RFX3: variants seen among roughly 807,000 people sequenced by gnomAD.
The protein encoded by RFX3 is transcription factor RFX3.
Under a neutral mutation model 98.6 loss-of-function variants are expected in RFX3, and 14 were observed. That is an observed-to-expected ratio of 0.14 (90% CI 0.09 to 0.22). The LOEUF (loss-of-function observed/expected upper bound fraction) is 0.22. RFX3 is among the 10% of genes least tolerant of loss of function. RFX3 has a pLI of 1.00. For synonymous variants in RFX3, 383 were observed against 328.4 expected, an observed-to-expected ratio of 1.17 and a Z score of -1.80; for missense variants, 639 against 926.9, an observed-to-expected ratio of 0.69 and a Z score of 4.03.
intron 4 of RFX3, among the ~76,000 whole-genome samples, chr9:3,307,050 C>T (rs370958618): frequency 2.0e-4 from 31 of 152,116 alleles, no homozygotes; most frequent in African/African-American, 6.5e-4. Context: ...GTTTTAAAAA[C>T]GGGAGTTTCT....
At chr9:3,406,208 C>T (rs1033148900) in intron 1 of RFX3, among the ~76,000 whole-genome samples, 3 of 152,020 alleles carry the variant, frequency 2.0e-5, no homozygotes, top group African/African-American at 4.8e-5. Context: ...AGTGATCCAC[C>T]TGCCTCAGCC....
chr9:3,238,745 G>C (rs899824334), intron 15 of RFX3, among the ~76,000 whole-genome samples: 2 of 152,124 alleles, frequency 1.3e-5, no homozygotes, highest in African/African-American at 4.8e-5. Flanking sequence ...TAATAAAAGT[G>C]ATCAGTCCGA....
intron 4 of RFX3, among the ~76,000 whole-genome samples, chr9:3,325,613 A>G (rs1167377394): frequency 6.6e-6 from 1 of 152,084 alleles, no homozygotes; most frequent in African/African-American, 2.4e-5. Context: ...AAACTCATAC[A>G]TAACCATCTA....
intron 2 of RFX3, among the ~76,000 whole-genome samples, chr9:3,376,176 T>G (rs764338264): frequency 1.3e-5 from 2 of 152,148 alleles, no homozygotes; most frequent in Non-Finnish European, 2.9e-5. Context: ...ATTAAAAATA[T>G]TGGCAATACC....
chr9:3,340,078 G>C (rs981755945), intron 3 of RFX3, among the ~76,000 whole-genome samples: 5 of 152,108 alleles, frequency 3.3e-5, no homozygotes, highest in Non-Finnish European at 5.9e-5. Flanking sequence ...GAACAGAACA[G>C]AGCCCTCAGA....
chr9:3,442,114 C>T (rs10972061), intron 1 of RFX3, among the ~76,000 whole-genome samples: 20,348 of 151,960 alleles, frequency 0.13, 1,866 homozygotes, highest in African/African-American at 0.26. Flanking sequence ...GCAGGAGAAA[C>T]GCTTGAACCC....
chr9:3,426,067 T>C (rs1187625872), intron 1 of RFX3, among the ~76,000 whole-genome samples: 1 of 152,194 alleles, frequency 6.6e-6, no homozygotes, highest in Non-Finnish European at 1.5e-5. Context: ...AAATATACTA[T>C]ACGATTGGAT....
chr9:3,381,881 A>C (rs1309697382), intron 2 of RFX3, among the ~76,000 whole-genome samples: 2 of 152,180 alleles, frequency 1.3e-5, no homozygotes, highest in Admixed American at 1.3e-4. Context: ...AACCAGAAAT[A>C]AAAAGTTATA....
chr9:3,327,777 A>C (rs1832092696), intron 4 of RFX3, among the ~76,000 whole-genome samples: 1 of 152,134 alleles, frequency 6.6e-6, no homozygotes, highest in Non-Finnish European at 1.5e-5. Context: ...TTATCTGTTT[A>C]ATTTACCAGT....
chr9:3,294,355 A>C, intron 5 of RFX3, among the ~76,000 whole-genome samples: 1 of 152,132 alleles, frequency 6.6e-6, no homozygotes, highest in Admixed American at 6.6e-5. Flanking sequence ...AAGAGCTGAC[A>C]TTTAACTTGC....
At chr9:3,412,436 T>C (rs183957879) in intron 1 of RFX3, among the ~76,000 whole-genome samples, 160 of 152,318 alleles carry the variant, frequency 1.1e-3, no homozygotes, top group African/African-American at 2.6e-3. Context: ...AGTAAATAAA[T>C]AGTAATTATC....
rs1389305987 is a variant in RFX3, at chr9:3,493,699, AAATATAT to A, written c.-9+32041_-9+32047del. Among the ~76,000 whole-genome samples, 923 of 101,840 alleles carry A rather than the reference AAATATAT, an allele frequency of 9.1e-3. 12 individuals are homozygous for A. The highest frequency in any genetic ancestry group is 0.047 in the African/African-American group (847 of 17,936). 66.8% of individuals were successfully genotyped at this position (101,840 alleles called of 152,430 possible). On this transcript the variant is annotated intron_variant, in intron 1 of 16. Transcript: ENST00000617270. ...ACTCATCTCAAAAAAAAAAAAAAAAAAATATATATATATATATATATATATATACATA... is the reference window on the plus strand; with the variant it reads ...ACTCATCTCAAAAAAAAAAAAAAAAAATATATATATATATATATATACATA...
chr9:3,431,583 A>G (rs1844660419), intron 1 of RFX3, among the ~76,000 whole-genome samples: 1 of 152,210 alleles, frequency 6.6e-6, no homozygotes, highest in Non-Finnish European at 1.5e-5. Flanking sequence ...ATATGGGTGC[A>G]GGATTGCTAT....
At chr9:3,429,312 G>A (rs1175715704) in intron 1 of RFX3, among the ~76,000 whole-genome samples, 1 of 150,832 alleles carries the variant, frequency 6.6e-6, no homozygotes, top group Non-Finnish European at 1.5e-5. Context: ...GTGAGCCACC[G>A]CGCCCGGCCA....
At chr9:3,451,527 G>C (rs969575156) in intron 1 of RFX3, among the ~76,000 whole-genome samples, 1 of 152,082 alleles carries the variant, frequency 6.6e-6, no homozygotes, top group African/African-American at 2.4e-5. Flanking sequence ...CTGGGCAACA[G>C]AGAGAGTCTC....
chr9:3,342,618 G>A (rs1464596464), intron 3 of RFX3, among the ~76,000 whole-genome samples: 1 of 151,908 alleles, frequency 6.6e-6, no homozygotes, highest in East Asian at 1.9e-4. Flanking sequence ...AGGAGCGAGT[G>A]GGGGAAGTAT....
intron 11 of RFX3, among the ~76,000 whole-genome samples, chr9:3,269,799 A>G (rs1824135247): frequency 6.6e-6 from 1 of 152,200 alleles, no homozygotes; most frequent in African/African-American, 2.4e-5. Context: ...AGTTCCTAAC[A>G]TGATGTAGGT....
At chr9:3,472,294 A>C (rs1357799399) in intron 1 of RFX3, among the ~76,000 whole-genome samples, 1 of 152,074 alleles carries the variant, frequency 6.6e-6, no homozygotes, top group Admixed American at 6.5e-5. Context: ...CCACAGCTCA[A>C]ATCCTAGCTC....
At chr9:3,393,151 A>G (rs1322215344) in intron 2 of RFX3, among the ~76,000 whole-genome samples, 1 of 152,130 alleles carries the variant, frequency 6.6e-6, no homozygotes. Flanking sequence ...CTAAAAAATC[A>G]AGGTGCAGTA....
Sources: gnomAD v4.1 joint callset for allele counts (sites outside exome capture counted in the v4.1 genomes callset) on GRCh38, gnomAD v4.1.1 for gene constraint, MANE v1.5 for transcripts, NCBI Gene and HGNC (gene_info 2026-07-23, HGNC 2026-07-21) for gene names.